Variants in ZNF544 observed in about 807,000 individuals in gnomAD.
ZNF544 encodes zinc finger protein 544, also known as zinc finger protein AF020591.
In ZNF544, 10 loss-of-function variants were observed where a neutral mutation model predicts 13.5. That is an observed-to-expected ratio of 0.74 (90% CI 0.46 to 1.25). The LOEUF (loss-of-function observed/expected upper bound fraction) is 1.25. Ranked by LOEUF, ZNF544 falls within the 50% of genes most tolerant of loss-of-function variation. The pLI, the probability that ZNF544 is intolerant of heterozygous loss-of-function variation, is 0.00. For synonymous variants in ZNF544, 323 were observed against 300.5 expected, an observed-to-expected ratio of 1.07 and a Z score of -0.77; for missense variants, 896 against 845.6, an observed-to-expected ratio of 1.06 and a Z score of -0.74.
intron 6 of ZNF544, among the ~76,000 whole-genome samples, chr19:58,252,289 T>G (rs2046410345): frequency 6.6e-6 from 1 of 152,254 alleles, no homozygotes; most frequent in Non-Finnish European, 1.5e-5. Context: ...TCTACTTTTT[T>G]TACATGAATC....
At chr19:58,252,947 G>C (rs796822946) in intron 6 of ZNF544, among the ~76,000 whole-genome samples, 2 of 152,258 alleles carry the variant, frequency 1.3e-5, no homozygotes, top group African/African-American at 4.8e-5. Context: ...AACCTCCCGA[G>C]TAGCTGGGAT....
chr19:58,251,484 T>C (rs575071742), intron 6 of ZNF544: 2 of 439,594 alleles, frequency 4.5e-6, no homozygotes, highest in Non-Finnish European at 9.3e-6. Context: ...TCCACTTTGA[T>C]TGTAATTATT....
At chr19:58,260,617 G>C (rs570301168) in intron 6 of ZNF544, 14 of 435,198 alleles carry the variant, frequency 3.2e-5, no homozygotes, top group Non-Finnish European at 4.5e-5. Context: ...CCTCTATTTG[G>C]GGACTAGTGT....
At chr19:58,275,282 C>G (rs1290308253) in intron 5 of ZNF544, among the ~76,000 whole-genome samples, 1 of 152,118 alleles carries the variant, frequency 6.6e-6, no homozygotes, top group Non-Finnish European at 1.5e-5. Flanking sequence ...GAATTCTTTC[C>G]TGTGATGGCT....
At chr19:58,237,289 C>T (rs1245148735) in intron 3 of ZNF544, among the ~76,000 whole-genome samples, 1 of 152,114 alleles carries the variant, frequency 6.6e-6, no homozygotes, top group Non-Finnish European at 1.5e-5. Flanking sequence ...GTCTTGATCT[C>T]CTCGGCTCAA....
intron 6 of ZNF544, 55 bp downstream of exon 6, chr19:58,246,849 G>A: frequency 6.4e-7 from 1 of 1,567,242 alleles, no homozygotes; most frequent in Non-Finnish European, 8.7e-7. Context: ...TGGACAGAGA[G>A]CTCTCCGCAG....
At chr19:58,240,001 C>T (rs894766257) in intron 3 of ZNF544, among the ~76,000 whole-genome samples, 16 of 152,076 alleles carry the variant, frequency 1.1e-4, no homozygotes, top group East Asian at 1.9e-4. Context: ...AGTGGAGTTG[C>T]GTAGACAGTG....
chr19:58,262,788 A>C lies in ZNF544; in HGVS notation c.*34A>C. On this transcript the variant is annotated 3_prime_UTR_variant, in exon 7 of 7. Coordinates refer to ENST00000687789, the MANE Select transcript of ZNF544 (RefSeq NM_014480.4). ...TCATTGTGGGAAAGCTTTCATCCAG[A>C]GGTCTCCCCTCATCATGCACCAGAG... 6.4e-7 allele frequency: 1 copy of C among 1,559,160 alleles called. No individual in the cohort carries two copies. Among genetic ancestry groups the C allele is most frequent in the Non-Finnish European group, 8.7e-7 (1 of 1,151,836 alleles).
chr19:58,270,320 T>C (rs1018211380), intron 5 of ZNF544, among the ~76,000 whole-genome samples: 11 of 151,652 alleles, frequency 7.3e-5, no homozygotes, highest in Non-Finnish European at 1.5e-4. Flanking sequence ...TTTTCTTTTT[T>C]TTTGAGAAGG....
chr19:58,276,311 C>A, intron 5 of ZNF544: 1 of 1,225,640 alleles, frequency 8.2e-7, no homozygotes, highest in Non-Finnish European at 1.0e-6. Flanking sequence ...CTAGTACCTT[C>A]TCTGCCTACA....
chr19:58,232,579 T>C (rs2041497407), intron 3 of ZNF544, among the ~76,000 whole-genome samples: 1 of 151,804 alleles, frequency 6.6e-6, no homozygotes, highest in Admixed American at 6.6e-5. Context: ...CTCCAACTTC[T>C]AGGCTCAAGC....
chr19:58,250,181 G>C (rs1223712911), intron 6 of ZNF544, among the ~76,000 whole-genome samples: 3 of 152,194 alleles, frequency 2.0e-5, no homozygotes, highest in Non-Finnish European at 4.4e-5. Flanking sequence ...ATGTGGGTTA[G>C]CTTGTTGTTT....
intron 6 of ZNF544, among the ~76,000 whole-genome samples, chr19:58,250,281 A>T (rs190921076): frequency 2.8e-3 from 431 of 152,352 alleles, no homozygotes; most frequent in African/African-American, 9.9e-3. Flanking sequence ...TTGCCCCAGC[A>T]GTTCTGTTTT....
At chr19:58,267,352 G>A (rs537235864), downstream of ZNF544, among the ~76,000 whole-genome samples, 50 of 150,690 alleles carry the variant, frequency 3.3e-4, no homozygotes, top group South Asian at 1.8e-3. Flanking sequence ...GTGAGCCACC[G>A]CACCCAGCAG....
At chr19:58,259,072 T>C (rs2048324372) in intron 6 of ZNF544, 1 of 152,196 alleles carries the variant, frequency 6.6e-6, no homozygotes, top group East Asian at 1.9e-4. Flanking sequence ...AAAATAAATC[T>C]TGTAGGCTAA....
downstream of ZNF544, among the ~76,000 whole-genome samples, chr19:58,268,980 G>A (rs994867996): frequency 2.1e-4 from 32 of 152,190 alleles, no homozygotes; most frequent in African/African-American, 7.7e-4. Context: ...TAACAAGAAG[G>A]GAAACTTTGA....
At position 58,263,571 on chromosome 19, in the gene ZNF544, C is replaced by A; in HGVS notation, c.*817C>A. On this transcript the variant is annotated 3_prime_UTR_variant, in exon 7 of 7. Transcript: ENST00000687789. ...TTCATGACCATGTGCATCAGAATTG[C>A]CTGGAGTGTGCACTGAAACTGTGTA... 2 of 985,374 alleles carry A rather than the reference C, an allele frequency of 2.0e-6. No homozygotes were observed. The highest frequency in any genetic ancestry group is 9.4e-5 in the South Asian group (2 of 21,284). The allele number at this position is 985,374 out of a possible 1,614,324, so 61.0% of individuals were successfully genotyped here. A position where few individuals can be genotyped will look rare whatever the true frequency, so the allele number is the denominator to read the frequency against.
chr19:58,272,711 C>T (rs149580569), intron 5 of ZNF544, among the ~76,000 whole-genome samples: 1,585 of 151,084 alleles, frequency 0.01, 80 homozygotes, highest in Admixed American at 0.074. Context: ...GGTGAAACCC[C>T]GTCTCTACTA....
chr19:58,273,793 T>C (rs1215201758), intron 5 of ZNF544, among the ~76,000 whole-genome samples: 1 of 151,878 alleles, frequency 6.6e-6, no homozygotes, highest in African/African-American at 2.4e-5. Context: ...TAAACAGTTT[T>C]TGTTTTGTTT....
Sources: allele counts gnomAD v4.1 joint callset (sites outside exome capture counted in the v4.1 genomes callset), GRCh38; gene constraint gnomAD v4.1.1; transcripts MANE v1.5; gene names NCBI Gene and HGNC (gene_info 2026-07-23, HGNC 2026-07-21).